Variants in FGF13 observed in about 807,000 individuals in gnomAD.
FGF13 encodes the protein fibroblast growth factor homologous factor 2.
FGF13 carries 2 observed loss-of-function variants against 19.5 expected under a neutral mutation model. The observed-to-expected ratio is 0.10, with a 90% CI of 0.04 to 0.32. The LOEUF is 0.32. FGF13 is among the 10% of genes least tolerant of loss of function. FGF13 has a pLI of 1.00. For synonymous variants in FGF13, 72 were observed against 76.9 expected (o/e 0.94, Z 0.33); for missense variants, 113 against 192.7 (o/e 0.59, Z 2.45).
chrX:138,861,486 C>A (rs1052493953), intron 2 of FGF13, among the ~76,000 whole-genome samples: 2 of 112,278 alleles, frequency 1.8e-5, no homozygotes, highest in African/African-American at 6.5e-5. Flanking sequence ...CCTCAGAAAA[C>A]AGCTACCTAA....
chrX:138,663,921 T>C (rs1031471519), intron 3 of FGF13, among the ~76,000 whole-genome samples: 3 of 111,593 alleles, frequency 2.7e-5, no homozygotes, highest in African/African-American at 6.5e-5. Flanking sequence ...TCTAAAGTCA[T>C]GGTGGGGAAT....
At chrX:139,018,472 A>G (rs2092163251) in intron 1 of FGF13, among the ~76,000 whole-genome samples, 1 of 111,596 alleles carries the variant, frequency 9.0e-6, no homozygotes, top group African/African-American at 3.3e-5. Flanking sequence ...TCCATCTGCC[A>G]TAAAGCCCCA....
intron 1 of FGF13, among the ~76,000 whole-genome samples, chrX:139,141,478 C>A (rs2083844804): frequency 8.9e-6 from 1 of 111,838 alleles, no homozygotes; most frequent in African/African-American, 3.2e-5. Flanking sequence ...AGGTTCAAAT[C>A]CAGCACCGTC....
rs2088956954 is a variant in FGF13 at position 138,615,111 on chromosome X, C to T, written c.*17739G>A. ...TGACGGAACAGTTCCATATCTTGAT[C>T]ATTGTAGTGGTTACCCAAATATACA... is the stretch of plus-strand genomic sequence containing the variant. On this transcript the variant is annotated 3_prime_UTR_variant, in exon 5 of 5. Transcript: ENST00000315930. 3.6e-5 allele frequency: 4 copies of T among 111,685 alleles called. No individual in the cohort carries two copies. In the Admixed American group the frequency reaches 3.8e-4, roughly 11 times the overall value. 9.2% of individuals were successfully genotyped at this position (111,685 alleles called of 1,213,427 possible).
chrX:138,902,451 C>T (rs1456807675), intron 1 of FGF13, among the ~76,000 whole-genome samples: 2 of 112,019 alleles, frequency 1.8e-5, no homozygotes, highest in Non-Finnish European at 3.8e-5. Flanking sequence ...CCTTTTCTAA[C>T]AGTTTGATCA....
At position 139,129,942 on chromosome X, in the gene FGF13, C is replaced by T. The variant is rs149493684; in HGVS notation, c.-113+73474G>A. Among the ~76,000 whole-genome samples, 1,005 of 111,949 alleles carry T rather than the reference C, an allele frequency of 9.0e-3. 14 individuals are homozygous for T. The highest frequency in any genetic ancestry group is 0.031 in the African/African-American group (963 of 30,822). On this transcript the variant is annotated intron_variant, in intron 1 of 2. Coordinates refer to the FGF13 transcript ENST00000421460. Reference sequence around the variant, plus strand: ...CCGTCTCAAGCCCATTTTCAAAGTCCTTCAATAAGGATTCCTTTCTGCTTT... The same window carrying T: ...CCGTCTCAAGCCCATTTTCAAAGTCTTTCAATAAGGATTCCTTTCTGCTTT...
chrX:139,130,041 C>T (rs774399036), intron 1 of FGF13, among the ~76,000 whole-genome samples: 22 of 112,175 alleles, frequency 2.0e-4, no homozygotes, highest in Non-Finnish European at 2.1e-4. Context: ...GAACAAGGAA[C>T]TAACAAAAGA....
rs200055645 is a variant in FGF13 at position 138,938,893 on chromosome X, G to GT, written c.-112-74244dup. On this transcript the variant is annotated intron_variant, in intron 1 of 2. Transcript: ENST00000421460. ...CGTTTCTCATGCAGAGCACAATGCA[G>GT]TTTTTTCTACTCAGCTTCTTGTGCG... 3.2e-3 allele frequency among the ~76,000 whole-genome samples: 352 copies of GT among 111,313 alleles called. 1 individual carries two copies. Among genetic ancestry groups the GT allele is most frequent in the African/African-American group, 0.011 (329 of 30,602 alleles).
At chrX:139,059,452 G>C (rs1172935757) in intron 1 of FGF13, among the ~76,000 whole-genome samples, 1 of 109,680 alleles carries the variant, frequency 9.1e-6, no homozygotes, top group African/African-American at 3.3e-5. Context: ...GAGAGAGAGA[G>C]AATATTCTCT....
At chrX:138,816,874 C>T (rs2090965178) in intron 3 of FGF13, among the ~76,000 whole-genome samples, 1 of 112,072 alleles carries the variant, frequency 8.9e-6, no homozygotes, top group African/African-American at 3.2e-5. Context: ...ATGGGACATC[C>T]CTGCTCTAAG....
chrX:138,891,498 C>T, intron 1 of FGF13, among the ~76,000 whole-genome samples: 1 of 111,201 alleles, frequency 9.0e-6, no homozygotes, highest in Non-Finnish European at 1.9e-5. Flanking sequence ...ATGAACTCAT[C>T]TAAGCCTAAT....
intron 1 of FGF13, among the ~76,000 whole-genome samples, chrX:138,996,490 G>C (rs923445938): frequency 8.9e-6 from 1 of 112,862 alleles, no homozygotes; most frequent in Non-Finnish European, 1.9e-5. Context: ...GGGTGCTCAA[G>C]CTTGGTGGGG....
intron 3 of FGF13, among the ~76,000 whole-genome samples, chrX:138,746,418 A>T (rs917414285): frequency 1.8e-4 from 19 of 105,821 alleles, no homozygotes; most frequent in African/African-American, 3.9e-4. Context: ...ATTGTCTATA[A>T]AAAAAAAAAT....
intron 3 of FGF13, among the ~76,000 whole-genome samples, chrX:138,801,917 G>A (rs914094772): frequency 9.0e-6 from 1 of 111,369 alleles, no homozygotes; most frequent in African/African-American, 3.3e-5. Context: ...CAGTAATGGT[G>A]GATGCCCCTC....
intron 3 of FGF13, among the ~76,000 whole-genome samples, chrX:138,774,855 A>G (rs1053822135): frequency 8.9e-6 from 1 of 112,596 alleles, no homozygotes; most frequent in Non-Finnish European, 1.9e-5. Context: ...AAAATAGTTG[A>G]TTGTCAGCAA....
chrX:138,627,818 A>T lies in FGF13; in HGVS notation c.*5032T>A, dbSNP rs1394301480. 9.0e-6 allele frequency: 1 copy of T among 111,002 alleles called. No individual in the cohort carries two copies. The highest frequency in any genetic ancestry group is 1.9e-5 in the Non-Finnish European group (1 of 53,078). The allele number at this position is 111,002 out of a possible 1,213,427, so 9.1% of individuals were successfully genotyped here. On this transcript the variant is annotated 3_prime_UTR_variant, in exon 5 of 5. Coordinates refer to ENST00000315930, the MANE Select transcript of FGF13 (RefSeq NM_004114.5). Reference sequence around the variant, plus strand: ...TGTGACAGAATTGCAACTGTTACAAACTTCTTCCAGTATGCCCACATAGAA... The same window carrying T: ...TGTGACAGAATTGCAACTGTTACAATCTTCTTCCAGTATGCCCACATAGAA...
intron 1 of FGF13, among the ~76,000 whole-genome samples, chrX:139,134,197 T>A (rs1490262321): frequency 9.0e-6 from 1 of 111,710 alleles, no homozygotes; most frequent in African/African-American, 3.3e-5. Flanking sequence ...AACAACATTA[T>A]TGTGTACTAA....
chrX:138,779,342 A>C (rs2090618371), intron 3 of FGF13, among the ~76,000 whole-genome samples: 1 of 112,168 alleles, frequency 8.9e-6, no homozygotes, highest in Non-Finnish European at 1.9e-5. Flanking sequence ...TGAGAGAAGA[A>C]GGCTTCAGAT....
chrX:139,153,662 A>C (rs921924923), intron 1 of FGF13, among the ~76,000 whole-genome samples: 7 of 111,885 alleles, frequency 6.3e-5, no homozygotes, highest in Middle Eastern at 4.6e-3. Flanking sequence ...TATGTCCCCC[A>C]AAAAGATACG....
Sources: allele counts gnomAD v4.1 joint callset (sites outside exome capture counted in the v4.1 genomes callset), GRCh38; gene constraint gnomAD v4.1.1; transcripts MANE v1.5; gene names NCBI Gene and HGNC (gene_info 2026-07-23, HGNC 2026-07-21).